Variants in ZFAND6 observed in about 807,000 individuals in gnomAD.
ZFAND6 encodes zinc finger AN1-type containing 6.
A neutral mutation model predicts 24.5 loss-of-function variants in ZFAND6; 12 were observed. The observed-to-expected ratio is 0.49, with a 90% CI of 0.31 to 0.79. ZFAND6 has a LOEUF of 0.79. ZFAND6 is among the 30% of genes least tolerant of loss of function. The probability of loss-of-function intolerance (pLI) is 0.04; values close to 1 mark genes in which losing one functional copy is unlikely to be tolerated. For missense variants in ZFAND6, 207 were observed against 245.9 expected (o/e 0.84, Z 1.06); for synonymous variants, 92 against 81.5 (o/e 1.13, Z -0.69).
chr15:80,061,680 A>T (rs533982965), intron 1 of ZFAND6, among the ~76,000 whole-genome samples: 1 of 152,312 alleles, frequency 6.6e-6, no homozygotes, highest in East Asian at 1.9e-4. Context: ...ATCTGCCATA[A>T]CTTATGGGCA....
chr15:80,071,715 G>A (rs1321949715), intron 1 of ZFAND6, among the ~76,000 whole-genome samples: 6 of 149,854 alleles, frequency 4.0e-5, no homozygotes, highest in Non-Finnish European at 7.4e-5. Flanking sequence ...CCACTTTGAA[G>A]TTATGGAGTG....
chr15:80,129,808 C>T (rs2040516885), intron 5 of ZFAND6: 1 of 152,034 alleles, frequency 6.6e-6, no homozygotes, highest in African/African-American at 2.4e-5. Context: ...TAAGCTTAAA[C>T]AAGAAAAACA....
intron 2 of ZFAND6, among the ~76,000 whole-genome samples, chr15:80,115,508 A>G (rs914378133): frequency 6.6e-5 from 10 of 152,120 alleles, no homozygotes; most frequent in African/African-American, 2.2e-4. Flanking sequence ...GATTGCCCCA[A>G]AAAGGTATAG....
At chr15:80,086,615 T>C (rs899553459) in intron 1 of ZFAND6, among the ~76,000 whole-genome samples, 80 of 152,240 alleles carry the variant, frequency 5.3e-4, no homozygotes, top group African/African-American at 1.9e-3. Context: ...GTTATTGAGG[T>C]ACATTCATGT....
chr15:80,108,971 G>A (rs1002530214), intron 2 of ZFAND6, among the ~76,000 whole-genome samples: 8 of 152,084 alleles, frequency 5.3e-5, no homozygotes, highest in African/African-American at 1.9e-4. Flanking sequence ...CAAGTGATCT[G>A]CCTGTCTCGG....
intron 2 of ZFAND6, among the ~76,000 whole-genome samples, chr15:80,118,563 T>C (rs1038236862): frequency 1.3e-5 from 2 of 152,152 alleles, no homozygotes; most frequent in Non-Finnish European, 2.9e-5. Context: ...TATGTGTGTG[T>C]ATGTATGTAT....
intron 1 of ZFAND6, among the ~76,000 whole-genome samples, chr15:80,091,319 T>C (rs1389547562): frequency 2.0e-5 from 3 of 152,108 alleles, no homozygotes; most frequent in African/African-American, 7.2e-5. Flanking sequence ...CACAAAAAGC[T>C]CTGAATCTGG....
chr15:80,137,369 T>C (rs924332295), intron 6 of ZFAND6, 111 bp from the exon 7 acceptor site: 13 of 1,197,862 alleles, frequency 1.1e-5, no homozygotes, highest in Admixed American at 9.8e-5. Flanking sequence ...TTAGAATGAT[T>C]CTTTAGTTTA....
intron 1 of ZFAND6, among the ~76,000 whole-genome samples, chr15:80,094,053 G>C (rs1205746134): frequency 1.3e-5 from 2 of 152,170 alleles, no homozygotes; most frequent in African/African-American, 4.8e-5. Context: ...CTGTTGGATT[G>C]GATGGAGTTT....
chr15:80,115,793 T>G (rs1397371987), intron 2 of ZFAND6, among the ~76,000 whole-genome samples: 1 of 152,140 alleles, frequency 6.6e-6, no homozygotes, highest in African/African-American at 2.4e-5. Flanking sequence ...TTGGGAAAAT[T>G]GGTAGTGTTA....
upstream of ZFAND6, chr15:80,059,447 A>C (rs1207316430): frequency 1.3e-5 from 2 of 152,248 alleles, no homozygotes; most frequent in East Asian, 1.9e-4. Context: ...CAGAAGGCGG[A>C]GGAGCATCTC....
intron 2 of ZFAND6, among the ~76,000 whole-genome samples, chr15:80,115,462 A>G (rs35654883): frequency 0.58 from 87,791 of 151,964 alleles, 26,790 homozygotes; most frequent in Non-Finnish European, 0.68. Context: ...TTCTCCCCTT[A>G]TCCCTTTTCC....
chr15:80,111,260 T>G (rs1433524960), intron 2 of ZFAND6, among the ~76,000 whole-genome samples: 1 of 152,172 alleles, frequency 6.6e-6, no homozygotes, highest in East Asian at 1.9e-4. Flanking sequence ...ATCCTTTCCC[T>G]TCATTGGGTG....
rs2040586099 is a variant in ZFAND6 at position 80,131,218 on chromosome 15, C to CA, written c.406dup (p.Ser136LysfsTer5). On this transcript the variant is annotated frameshift_variant, in exon 6 of 7. Coordinates refer to ENST00000261749, the MANE Select transcript of ZFAND6 (RefSeq NM_019006.4). LOFTEE classifies it high-confidence loss of function. ...CACAGCACAGCAGCCATCTGAAGAG[C>CA]AAAGCAAGTCTCTTGAAAAACCGAA... 2 of 1,611,560 alleles carry CA rather than the reference C, an allele frequency of 1.2e-6. No individual in the cohort carries two copies. The highest frequency in any genetic ancestry group is 1.7e-6 in the Non-Finnish European group (2 of 1,178,852).
chr15:80,073,198 A>G, intron 1 of ZFAND6: 1 of 190,258 alleles, frequency 5.3e-6, no homozygotes, highest in Non-Finnish European at 1.2e-5. Flanking sequence ...ATAATTAAAA[A>G]GGCCATTGAT....
At chr15:80,130,952 C>T (rs1300661177) in intron 5 of ZFAND6, 3 of 398,884 alleles carry the variant, frequency 7.5e-6, no homozygotes, top group Non-Finnish European at 1.3e-5. Flanking sequence ...TCTATAAAAC[C>T]ACTGTTAACA....
intron 1 of ZFAND6, among the ~76,000 whole-genome samples, chr15:80,076,785 T>TC (rs950827435): frequency 1.3e-5 from 2 of 152,298 alleles, no homozygotes; most frequent in East Asian, 1.9e-4. Context: ...ACTTCTCTAT[T>TC]CCTTTTTTCC....
intron 2 of ZFAND6, among the ~76,000 whole-genome samples, chr15:80,118,084 T>C (rs8038958): frequency 0.57 from 86,063 of 151,292 alleles, 26,145 homozygotes; most frequent in Non-Finnish European, 0.68. Flanking sequence ...ATACTATATA[T>C]ACACACATTA....
At chr15:80,085,666 C>G (rs2037951395) in intron 1 of ZFAND6, among the ~76,000 whole-genome samples, 2 of 152,070 alleles carry the variant, frequency 1.3e-5, no homozygotes, top group Admixed American at 6.5e-5. Context: ...TTTCTGTAAA[C>G]ATGCATACCT....
Sources: allele counts gnomAD v4.1 joint callset (sites outside exome capture counted in the v4.1 genomes callset), GRCh38; gene constraint gnomAD v4.1.1; transcripts MANE v1.5; gene names NCBI Gene and HGNC (gene_info 2026-07-23, HGNC 2026-07-21).